The following SCIN variants were observed in gnomAD, a reference collection of about 807,000 sequenced individuals.
SCIN encodes scinderin.
SCIN carries 91 observed loss-of-function variants against 91.8 expected under a neutral mutation model. That is an observed-to-expected ratio of 0.99 (90% CI 0.84 to 1.18). SCIN has a LOEUF of 1.18. SCIN is among the 50% of genes most tolerant of loss of function. The pLI is 0.00. For synonymous variants in SCIN, 367 were observed against 312.6 expected (o/e 1.17, Z -1.84); for missense variants, 1,087 against 863.9 (o/e 1.26, Z -3.24).
chr7:12,598,027 T>G (rs1203074326), intron 3 of SCIN, among the ~76,000 whole-genome samples: 1 of 152,190 alleles, frequency 6.6e-6, no homozygotes, highest in Non-Finnish European at 1.5e-5. Context: ...TTAAATGCCT[T>G]AAGATCTTAG....
In SCIN at chr7:12,574,670, T is replaced by G. The variant is rs559145989; in HGVS notation, c.200-3394T>G. Among the ~76,000 whole-genome samples, 6 of 152,254 alleles carry G rather than the reference T, an allele frequency of 3.9e-5. No homozygotes were observed. In the East Asian group the frequency reaches 1.2e-3, roughly 29 times the overall value. On this transcript the variant is annotated intron_variant, in intron 1 of 15. Transcript: ENST00000297029. The stretch of plus-strand genomic sequence containing the variant: ...TACTGTAATTTTACAAAGTTGCCAC[T>G]ACTGGGGGAAATTGGGTCTATTGAT...
At chr7:12,597,623 A>G (rs897162378) in intron 3 of SCIN, among the ~76,000 whole-genome samples, 2 of 152,188 alleles carry the variant, frequency 1.3e-5, no homozygotes, top group African/African-American at 2.4e-5. Context: ...CACATAGTTT[A>G]AAGAAATTTT....
chr7:12,645,389 C>A (rs1168851658), intron 13 of SCIN, among the ~76,000 whole-genome samples: 1 of 152,136 alleles, frequency 6.6e-6, no homozygotes, highest in Non-Finnish European at 1.5e-5. Flanking sequence ...GAAGGGCATT[C>A]CCATGTGGCT....
chr7:12,588,699 A>T (rs1782643076), intron 3 of SCIN, among the ~76,000 whole-genome samples: 1 of 151,510 alleles, frequency 6.6e-6, no homozygotes, highest in African/African-American at 2.4e-5. Context: ...GACCTCCCCC[A>T]TGCTGCCCGT....
At chr7:12,604,121 A>T (rs1783021829) in intron 3 of SCIN, among the ~76,000 whole-genome samples, 1 of 152,108 alleles carries the variant, frequency 6.6e-6, no homozygotes, top group Non-Finnish European at 1.5e-5. Flanking sequence ...TGTCAATTTA[A>T]AAACATGAAT....
chr7:12,649,704 A>G (rs772146011), intron 14 of SCIN, among the ~76,000 whole-genome samples, 160 bp downstream of exon 14: 6 of 152,212 alleles, frequency 3.9e-5, no homozygotes, highest in Admixed American at 1.3e-4. Flanking sequence ...AAACTAACAC[A>G]TATGGCAAGT....
In SCIN at chr7:12,625,741, T is replaced by C. The variant is rs967010224; in HGVS notation, c.893-21T>C. 4 of 1,521,922 alleles carry C rather than the reference T, an allele frequency of 2.6e-6. No homozygotes were observed. The African/African-American group carries it at 5.5e-5, about 21-fold the overall frequency. 94.3% of individuals were successfully genotyped at this position (1,521,922 alleles called of 1,614,324 possible). A position where few individuals can be genotyped will look rare whatever the true frequency, so the allele number is the denominator to read the frequency against. ...CTTCCTTCTCTGAAGTTCTTTCTCT[T>C]TAATTTACCTTGTATTTTAGGTAAA... On this transcript the variant is annotated intron_variant, in intron 6 of 15. Coordinates refer to ENST00000297029, the MANE Select transcript of SCIN (RefSeq NM_001112706.3).
At chr7:12,571,163 G>A (rs1247790844) in intron 1 of SCIN, 178 bp downstream of exon 1, 2 of 668,502 alleles carry the variant, frequency 3.0e-6, no homozygotes, top group Non-Finnish European at 2.5e-6. Context: ...TCAACTCGCC[G>A]GCTGCAAACG....
intron 3 of SCIN, chr7:12,595,900 G>C (rs1020494760): frequency 6.5e-6 from 1 of 154,392 alleles, no homozygotes; most frequent in Non-Finnish European, 1.4e-5. Context: ...AATTACCAGT[G>C]GCAAATCCAT....
intron 12 of SCIN, 111 bp downstream of exon 12, chr7:12,644,426 C>T (rs1783917781): frequency 7.0e-7 from 1 of 1,438,358 alleles, no homozygotes; most frequent in Non-Finnish European, 9.3e-7. Context: ...GGTTAACAAT[C>T]TCTCCATTAG....
intron 4 of SCIN, among the ~76,000 whole-genome samples, chr7:12,622,480 C>T (rs547528586): frequency 6.6e-6 from 1 of 152,252 alleles, no homozygotes; most frequent in African/African-American, 2.4e-5. Context: ...CAGAGCTGAA[C>T]ATAGAGCTCA....
chr7:12,594,179 G>C (rs1458026984), intron 3 of SCIN, among the ~76,000 whole-genome samples: 1 of 152,068 alleles, frequency 6.6e-6, no homozygotes, highest in Non-Finnish European at 1.5e-5. Context: ...GGGTTGGTTG[G>C]AGAGAGTGGG....
chr7:12,632,497 C>T (rs562344106), intron 9 of SCIN, among the ~76,000 whole-genome samples: 1 of 152,130 alleles, frequency 6.6e-6, no homozygotes, highest in African/African-American at 2.4e-5. Flanking sequence ...GGAAGGCTAG[C>T]AACAGGAAGA....
intron 3 of SCIN, chr7:12,596,150 C>T (rs1782836261): frequency 3.4e-6 from 1 of 291,542 alleles, no homozygotes; most frequent in African/African-American, 2.2e-5. Flanking sequence ...TCCCATGATT[C>T]TTCCCTTAGG....
chr7:12,644,260 T>C lies in SCIN; in HGVS notation c.1704T>C (p.Tyr568=), dbSNP rs1256458044. The C allele has an allele frequency of 1.9e-6, 3 of 1,602,358 alleles. No homozygotes were observed. The highest frequency in any genetic ancestry group is 2.2e-5 in the East Asian group (1 of 44,544). The change falls in exon 12 of 16, where the codon TAT becomes TAC. Residue 568 remains tyrosine (Y), a synonymous_variant. Coordinates refer to ENST00000297029, the MANE Select transcript of SCIN (RefSeq NM_001112706.3). ...AGGAGGAGGAGAAAGGAGCAGAGTA[T>C]GTAGCAAGTGTCCTAAAGTGCAAAA... ...ASQEEEKGAE[Y]VASVLKCKTL...
At chr7:12,612,931 A>G (rs950472634) in intron 4 of SCIN, among the ~76,000 whole-genome samples, 5 of 152,196 alleles carry the variant, frequency 3.3e-5, no homozygotes, top group African/African-American at 7.2e-5. Flanking sequence ...TATATTAATC[A>G]GTCCAAGTTA....
chr7:12,637,939 A>G (rs1583316975), intron 10 of SCIN, among the ~76,000 whole-genome samples: 1 of 152,310 alleles, frequency 6.6e-6, no homozygotes, highest in Non-Finnish European at 1.5e-5. Flanking sequence ...ATGTTATACA[A>G]TATCAGACGA....
intron 1 of SCIN, among the ~76,000 whole-genome samples, chr7:12,572,196 A>T (rs1376732117): frequency 6.6e-6 from 1 of 152,252 alleles, no homozygotes; most frequent in Non-Finnish European, 1.5e-5. Context: ...AAATACGTAG[A>T]TGAAGATAAG....
intron 12 of SCIN, 89 bp from the exon 13 acceptor site, chr7:12,644,495 A>G (rs557583702): frequency 1.3e-6 from 2 of 1,534,818 alleles, no homozygotes; most frequent in Admixed American, 4.1e-5. Context: ...CAACACTGAA[A>G]TCAAGGTGAG....
Sources: allele counts gnomAD v4.1 joint callset (sites outside exome capture counted in the v4.1 genomes callset), GRCh38; gene constraint gnomAD v4.1.1; transcripts MANE v1.5; gene names NCBI Gene and HGNC (gene_info 2026-07-23, HGNC 2026-07-21).